Variants in SIK3 observed in about 807,000 individuals in gnomAD.
The protein encoded by SIK3 is SIK family kinase 3.
Under a neutral mutation model 144.2 loss-of-function variants are expected in SIK3, and 28 were observed. That is an observed-to-expected ratio of 0.19 (90% CI 0.14 to 0.27). The LOEUF (loss-of-function observed/expected upper bound fraction) is 0.27. SIK3 is among the 10% of genes least tolerant of loss of function. The pLI, the probability that SIK3 is intolerant of heterozygous loss-of-function variation, is 1.00. For synonymous variants in SIK3, 686 were observed against 676.3 expected, an observed-to-expected ratio of 1.01 and a Z score of -0.22; for missense variants, 1,319 against 1,776.0, an observed-to-expected ratio of 0.74 and a Z score of 4.62.
intron 1 of SIK3, among the ~76,000 whole-genome samples, chr11:117,083,433 T>C (rs1001136372): frequency 3.3e-5 from 5 of 152,160 alleles, no homozygotes; most frequent in African/African-American, 9.7e-5. Context: ...TATGAAAGTG[T>C]TGTTTCTGCA....
At chr11:116,997,896 G>C (rs1328249754) in intron 1 of SIK3, among the ~76,000 whole-genome samples, 1 of 152,142 alleles carries the variant, frequency 6.6e-6, no homozygotes, top group East Asian at 1.9e-4. Flanking sequence ...GTCTCACTTT[G>C]TCACCCAGAC....
intron 3 of SIK3, among the ~76,000 whole-genome samples, chr11:116,951,202 T>C (rs1473324): frequency 6.6e-6 from 1 of 152,072 alleles, no homozygotes; most frequent in Non-Finnish European, 1.5e-5. Flanking sequence ...AGAGATCTGA[T>C]TCAAACCTAG....
chr11:117,088,141 G>C (rs1445167039), intron 1 of SIK3, among the ~76,000 whole-genome samples: 1 of 152,196 alleles, frequency 6.6e-6, no homozygotes, highest in South Asian at 2.1e-4. Flanking sequence ...GGAGGCTGAA[G>C]TAGAAGGATG....
intron 1 of SIK3, among the ~76,000 whole-genome samples, chr11:116,989,193 C>A (rs972752063): frequency 6.6e-6 from 1 of 152,050 alleles, no homozygotes; most frequent in Non-Finnish European, 1.5e-5. Context: ...ACCTTTCCTT[C>A]CACTTTTTTT....
At chr11:117,054,601 T>C (rs1001639196) in intron 1 of SIK3, among the ~76,000 whole-genome samples, 1 of 150,934 alleles carries the variant, frequency 6.6e-6, no homozygotes, top group African/African-American at 2.4e-5. Context: ...TGATAAGGAG[T>C]GGTTGGATGC....
chr11:116,948,286 A>G (rs994480097), intron 3 of SIK3, among the ~76,000 whole-genome samples: 2 of 146,656 alleles, frequency 1.4e-5, no homozygotes, highest in African/African-American at 2.5e-5. Flanking sequence ...AATCATTTTT[A>G]TTTTTTTTTA....
chr11:116,963,743 T>C (rs891486042), intron 1 of SIK3, among the ~76,000 whole-genome samples: 14 of 152,188 alleles, frequency 9.2e-5, no homozygotes, highest in Non-Finnish European at 1.5e-5. Flanking sequence ...GAGAAAATAG[T>C]CACTCAATTT....
At chr11:117,037,243 GAGTT>G (rs557526707) in intron 1 of SIK3, among the ~76,000 whole-genome samples, 1 of 152,180 alleles carries the variant, frequency 6.6e-6, no homozygotes, top group Non-Finnish European at 1.5e-5. Flanking sequence ...AAGATTCTGA[GAGTT>G]AGGAAATCTT....
At chr11:116,939,091 C>T (rs1434540225) in intron 3 of SIK3, among the ~76,000 whole-genome samples, 1 of 152,174 alleles carries the variant, frequency 6.6e-6, no homozygotes, top group Non-Finnish European at 1.5e-5. Context: ...AGAAGAATAA[C>T]TCATAAATGT....
rs747970397 is a variant in SIK3, at chr11:116,847,499, T to G, written c.3929A>C (p.Gln1310Pro). Residue 1310 changes from glutamine to proline, a missense_variant, in exon 23 of 25, where the codon CAG (glutamine) becomes CCG (proline). Gln to Pro is a moderately conservative substitution (Grantham distance 76). Around this residue, in one of 8 missense-constraint regions of SIK3, gnomAD observed 646 missense variants for 763.7 expected, o/e 0.85. Coordinates refer to ENST00000445177, the MANE Select transcript of SIK3 (RefSeq NM_001366686.3). ...ACCCTCATTTTCCCCATCCTGAAAC[T>G]GCTGGCTGCCCATGAGCGAAGACTG... ...LSQSSLMGSQQFQDGENEECG... is the reference protein window; with the variant it reads ...LSQSSLMGSQPFQDGENEECG... 1.2e-6 allele frequency: 2 copies of G among 1,614,192 alleles called. No individual in the cohort carries two copies. Among genetic ancestry groups the G allele is most frequent in the Non-Finnish European group, 1.7e-6 (2 of 1,180,018 alleles).
At chr11:117,038,503 C>T (rs1952607876) in intron 1 of SIK3, among the ~76,000 whole-genome samples, 2 of 151,756 alleles carry the variant, frequency 1.3e-5, no homozygotes, top group Non-Finnish European at 1.5e-5. Context: ...ATTACAGGCA[C>T]CCGCCACCAC....
At chr11:116,960,794 A>G (rs1949317581) in intron 1 of SIK3, among the ~76,000 whole-genome samples, 1 of 152,166 alleles carries the variant, frequency 6.6e-6, no homozygotes, top group African/African-American at 2.4e-5. Flanking sequence ...GGCACAGTAA[A>G]CAGGCAATAT....
chr11:117,047,167 T>A (rs1327462225), intron 1 of SIK3, among the ~76,000 whole-genome samples: 1 of 152,188 alleles, frequency 6.6e-6, no homozygotes, highest in Non-Finnish European at 1.5e-5. Context: ...TAAAACACAA[T>A]CGATGAAGAC....
At chr11:117,046,501 A>G (rs1591603366) in intron 1 of SIK3, among the ~76,000 whole-genome samples, 3 of 152,244 alleles carry the variant, frequency 2.0e-5, no homozygotes, top group South Asian at 4.1e-4. Flanking sequence ...TGCAAAGGTT[A>G]TATTTTCATT....
intron 1 of SIK3, among the ~76,000 whole-genome samples, chr11:117,088,164 G>T (rs947803552): frequency 6.6e-6 from 1 of 152,192 alleles, no homozygotes; most frequent in African/African-American, 2.4e-5. Context: ...TTGAACCTAG[G>T]AGGTGGAGGC....
In SIK3 at chr11:116,858,817, G is replaced by T; in HGVS notation, c.2766-118C>A. On this transcript the variant is annotated intron_variant, in intron 20 of 24. Coordinates refer to ENST00000445177, the MANE Select transcript of SIK3 (RefSeq NM_001366686.3). The surrounding 1 kb of genome is among the most constrained non-coding windows in gnomAD (Gnocchi z 5.4). The stretch of plus-strand genomic sequence containing the variant: ...GTACAGAGAACTGTGGTGTGACAGA[G>T]AAGTGGCAGATGTATGCATTGTCCC... The T allele has an allele frequency of 7.0e-7, 1 of 1,421,450 alleles. No homozygotes were observed. Among genetic ancestry groups the T allele is most frequent in the Non-Finnish European group, 9.4e-7 (1 of 1,068,488 alleles). 88.1% of individuals were successfully genotyped at this position (1,421,450 alleles called of 1,614,324 possible).
chr11:116,907,601 T>C (rs934394627), intron 4 of SIK3, among the ~76,000 whole-genome samples: 7 of 152,038 alleles, frequency 4.6e-5, no homozygotes, highest in Non-Finnish European at 1.0e-4. Context: ...AGAGTCGAAA[T>C]TGCACCCTGC....
intron 1 of SIK3, among the ~76,000 whole-genome samples, chr11:117,076,620 G>A (rs1461689865): frequency 4.0e-5 from 6 of 151,796 alleles, no homozygotes; most frequent in Non-Finnish European, 8.8e-5. Flanking sequence ...TCCACCTCCC[G>A]GGTTCAAGCA....
In SIK3 at chr11:116,870,325, C is replaced by T; in HGVS notation, c.1808+6G>A. The T allele has an allele frequency of 6.2e-7, 1 of 1,613,884 alleles. No homozygotes were observed. The highest frequency in any genetic ancestry group is 1.1e-5 in the South Asian group (1 of 91,066). Reference sequence around the variant, plus strand: ...CTTCTGCAAGCACTGCCAGATGTCACATTACCTCTGCACAGCTTCCTGGTC... The same window carrying T: ...CTTCTGCAAGCACTGCCAGATGTCATATTACCTCTGCACAGCTTCCTGGTC... On this transcript the variant is annotated splice_donor_region_variant and intron_variant, in intron 14 of 24. Transcript: ENST00000445177.
Sources: gnomAD v4.1 joint callset for allele counts (sites outside exome capture counted in the v4.1 genomes callset) on GRCh38, gnomAD v4.1.1 for gene constraint, gnomAD v4.1.1 regional missense constraint, Gnocchi (gnomAD v3.1) non-coding constraint, MANE v1.5 for transcripts, NCBI Gene and HGNC (gene_info 2026-07-23, HGNC 2026-07-21) for gene names.